Variants in TMEM178B observed in about 807,000 individuals in gnomAD.
The protein encoded by TMEM178B is transmembrane protein 178B.
A neutral mutation model predicts 31.0 loss-of-function variants in TMEM178B; 5 were observed. The observed-to-expected ratio is 0.16, with a 90% CI of 0.08 to 0.34. The LOEUF (loss-of-function observed/expected upper bound fraction) is 0.34, where lower values mean the gene tolerates loss of function less well. TMEM178B is among the 10% of genes least tolerant of loss of function. The pLI, the probability that TMEM178B is intolerant of heterozygous loss-of-function variation, is 1.00. For synonymous variants in TMEM178B, 164 were observed against 164.0 expected (o/e 1.00, Z 0.00); for missense variants, 275 against 400.3 (o/e 0.69, Z 2.67).
At chr7:141,235,498 T>C (rs1797513715) in intron 2 of TMEM178B, among the ~76,000 whole-genome samples, 1 of 152,232 alleles carries the variant, frequency 6.6e-6, no homozygotes, top group Non-Finnish European at 1.5e-5. Flanking sequence ...AATCATGGAA[T>C]TTTATAGCTA....
chr7:141,194,067 C>G (rs1228763129), intron 1 of TMEM178B, among the ~76,000 whole-genome samples: 1 of 152,180 alleles, frequency 6.6e-6, no homozygotes, highest in Admixed American at 6.5e-5. Context: ...ATTACCTCCC[C>G]CTGGGGCCCT....
chr7:141,166,137 T>C (rs1423497638), intron 1 of TMEM178B, among the ~76,000 whole-genome samples: 3 of 152,230 alleles, frequency 2.0e-5, no homozygotes, highest in Admixed American at 2.0e-4. Flanking sequence ...GTACTCAGAC[T>C]CTGGGCCAGT....
At chr7:141,359,758 A>G (rs1414390382) in intron 2 of TMEM178B, among the ~76,000 whole-genome samples, 7 of 152,202 alleles carry the variant, frequency 4.6e-5, no homozygotes, top group Non-Finnish European at 8.8e-5. Flanking sequence ...CACCTGTATT[A>G]GTCTGTTTTC....
At chr7:141,439,836 T>C (rs1801625561) in intron 3 of TMEM178B, among the ~76,000 whole-genome samples, 1 of 152,180 alleles carries the variant, frequency 6.6e-6, no homozygotes, top group African/African-American at 2.4e-5. Context: ...CATTCTCCCC[T>C]CTCTTCATGC....
rs115214335 is a variant in TMEM178B at position 141,292,933 on chromosome 7, C to T, written c.496+80229C>T. Among the ~76,000 whole-genome samples the T allele has an allele frequency of 2.6e-3, 390 of 152,178 alleles. 4 individuals carry two copies. Among genetic ancestry groups the T allele is most frequent in the African/African-American group, 8.9e-3 (369 of 41,538 alleles). ...GCTTACAAGTGTGAGCCACCGCACC[C>T]GGCCAGATCTTCTTTTTATTGAATT... On this transcript the variant is annotated intron_variant, in intron 2 of 3. Transcript: ENST00000565468.
downstream of TMEM178B, among the ~76,000 whole-genome samples, chr7:141,484,169 C>T (rs1363887936): frequency 6.6e-6 from 1 of 152,178 alleles, no homozygotes; most frequent in Non-Finnish European, 1.5e-5. The surrounding 1 kb of genome is among the most constrained non-coding windows in gnomAD (Gnocchi z 4.8). Flanking sequence ...TTATTGTATT[C>T]AATCACTGTT....
At chr7:141,329,067 T>A (rs1187733409) in intron 2 of TMEM178B, among the ~76,000 whole-genome samples, 1 of 152,122 alleles carries the variant, frequency 6.6e-6, no homozygotes, top group Non-Finnish European at 1.5e-5. Flanking sequence ...GTTCTTGGAA[T>A]CAACCCTGAA....
chr7:141,384,215 T>G (rs927003455), intron 2 of TMEM178B, among the ~76,000 whole-genome samples: 1 of 152,184 alleles, frequency 6.6e-6, no homozygotes, highest in African/African-American at 2.4e-5. Flanking sequence ...AGAAGCTCTT[T>G]AGTTTAATTA....
intron 3 of TMEM178B, among the ~76,000 whole-genome samples, chr7:141,456,741 C>A (rs1801970886): frequency 6.6e-6 from 1 of 152,164 alleles, no homozygotes; most frequent in African/African-American, 2.4e-5. Context: ...CTCCACGGAC[C>A]ATTGTCATTC....
chr7:141,100,454 T>C (rs1168393974), intron 1 of TMEM178B, among the ~76,000 whole-genome samples: 2 of 152,044 alleles, frequency 1.3e-5, no homozygotes, highest in African/African-American at 4.8e-5. Flanking sequence ...CAGCTTGGAG[T>C]AGATAGCATG....
chr7:141,400,562 C>A (rs1800742428), intron 2 of TMEM178B, among the ~76,000 whole-genome samples: 1 of 152,212 alleles, frequency 6.6e-6, no homozygotes, highest in South Asian at 2.1e-4. Flanking sequence ...TAGTGCCTTT[C>A]ACCCATACTC....
intron 1 of TMEM178B, among the ~76,000 whole-genome samples, chr7:141,154,044 T>G (rs1049913257): frequency 6.6e-6 from 1 of 152,254 alleles, no homozygotes; most frequent in Non-Finnish European, 1.5e-5. Flanking sequence ...CCTGACACTT[T>G]CTAGGCATTG....
intron 2 of TMEM178B, among the ~76,000 whole-genome samples, chr7:141,356,905 A>C (rs1290851800): frequency 1.3e-5 from 2 of 152,086 alleles, no homozygotes; most frequent in African/African-American, 4.8e-5. Context: ...GTGGTCCATA[A>C]AATATATCCT....
chr7:141,322,361 A>C (rs1799114696), intron 2 of TMEM178B, among the ~76,000 whole-genome samples: 1 of 107,438 alleles, frequency 9.3e-6, no homozygotes, highest in South Asian at 3.3e-4. Flanking sequence ...ACCCCATCTT[A>C]CTAAAAAAAA....
intron 1 of TMEM178B, among the ~76,000 whole-genome samples, chr7:141,083,450 CA>C (rs1794720638): frequency 7.6e-6 from 1 of 131,856 alleles, no homozygotes; most frequent in African/African-American, 2.9e-5. Flanking sequence ...AGGGGCAAGG[CA>C]AAAGTTGATG....
At chr7:141,382,307 T>A (rs569532461) in intron 2 of TMEM178B, among the ~76,000 whole-genome samples, 2 of 152,332 alleles carry the variant, frequency 1.3e-5, no homozygotes, top group Admixed American at 1.3e-4. Context: ...ACCTCTTGTG[T>A]GCCAGGCATC....
intron 2 of TMEM178B, among the ~76,000 whole-genome samples, chr7:141,324,278 G>C (rs916007446): frequency 6.6e-6 from 1 of 152,098 alleles, no homozygotes; most frequent in Non-Finnish European, 1.5e-5. Flanking sequence ...GAATATTCCA[G>C]GTAGCAGAAT....
chr7:141,443,878 T>C (rs1003368466), intron 3 of TMEM178B, among the ~76,000 whole-genome samples: 2 of 152,232 alleles, frequency 1.3e-5, no homozygotes, highest in Non-Finnish European at 2.9e-5. Context: ...TGAGCATTTA[T>C]CTTACACTTT....
intron 2 of TMEM178B, among the ~76,000 whole-genome samples, chr7:141,278,917 A>G (rs1251391396): frequency 6.6e-6 from 1 of 152,236 alleles, no homozygotes; most frequent in Non-Finnish European, 1.5e-5. Context: ...GACCCAAGTA[A>G]GGAAAATCCT....
Sources: gnomAD v4.1 joint callset for allele counts (sites outside exome capture counted in the v4.1 genomes callset) on GRCh38, gnomAD v4.1.1 for gene constraint, Gnocchi (gnomAD v3.1) non-coding constraint, MANE v1.5 for transcripts, NCBI Gene and HGNC (gene_info 2026-07-23, HGNC 2026-07-21) for gene names.